ANK3: variants seen among roughly 807,000 people sequenced by gnomAD.
ANK3 encodes the protein ankyrin-3.
In ANK3, 57 loss-of-function variants were observed where a neutral mutation model predicts 370.9. That is an observed-to-expected ratio of 0.15 (90% confidence interval 0.12 to 0.19). ANK3 has a LOEUF of 0.19. Ranked by LOEUF, ANK3 falls within the 10% of genes least tolerant of loss-of-function variation. The pLI is 1.00. For missense variants in ANK3, 4,439 were observed against 5,302.1 expected, an observed-to-expected ratio of 0.84 and a Z score of 5.06; for synonymous variants, 1,929 against 1,946.3, an observed-to-expected ratio of 0.99 and a Z score of 0.23.
chr10:60,362,736 T>C (rs1175512216), intron 1 of ANK3, among the ~76,000 whole-genome samples: 2 of 152,040 alleles, frequency 1.3e-5, no homozygotes, highest in Non-Finnish European at 2.9e-5. Flanking sequence ...TCCCCACACA[T>C]TGATTCATTT....
At chr10:60,630,758 A>G (rs16915258) in intron 1 of ANK3, among the ~76,000 whole-genome samples, 1,895 of 152,316 alleles carry the variant, frequency 0.012, 32 homozygotes, top group Middle Eastern at 0.048. Context: ...CAGTGGGGGT[A>G]AAGAGCATAG....
chr10:60,495,925 T>C (rs967810291), intron 2 of ANK3, among the ~76,000 whole-genome samples: 1 of 152,136 alleles, frequency 6.6e-6, no homozygotes, highest in African/African-American at 2.4e-5. Flanking sequence ...AGTGTTCTTA[T>C]AGCTGATGTA....
intron 12 of ANK3, 52 bp from the exon 13 acceptor site, chr10:60,200,279 G>T: frequency 7.1e-7 from 1 of 1,414,562 alleles, no homozygotes; most frequent in Non-Finnish European, 1.0e-6. Flanking sequence ...GAAGAGTAGT[G>T]TATTTTATTT....
At chr10:60,155,881 G>A (rs990924736) in intron 23 of ANK3, among the ~76,000 whole-genome samples, 3 of 152,192 alleles carry the variant, frequency 2.0e-5, no homozygotes, top group Non-Finnish European at 2.9e-5. Context: ...ATTTGCCAGG[G>A]GCTCTCAGGC....
chr10:60,433,971 C>T (rs2064095763), intron 2 of ANK3, among the ~76,000 whole-genome samples: 1 of 152,160 alleles, frequency 6.6e-6, no homozygotes, highest in South Asian at 2.1e-4. Flanking sequence ...ATGTGCTAAA[C>T]AGATTTTGTA....
intron 16 of ANK3, among the ~76,000 whole-genome samples, chr10:60,189,821 C>A (rs2096438272): frequency 6.6e-6 from 1 of 152,052 alleles, no homozygotes; most frequent in Non-Finnish European, 1.5e-5. Flanking sequence ...AAAATAAAAG[C>A]AAATGCAATT....
At chr10:60,118,309 T>C (rs147991018) in intron 25 of ANK3, among the ~76,000 whole-genome samples, 2 of 152,228 alleles carry the variant, frequency 1.3e-5, no homozygotes, top group East Asian at 1.9e-4. Flanking sequence ...AATTGAAAAA[T>C]AAATTTGTAG....
chr10:60,258,846 C>T (rs184078835), intron 7 of ANK3, among the ~76,000 whole-genome samples: 15 of 152,330 alleles, frequency 9.8e-5, no homozygotes, highest in Admixed American at 7.8e-4. Context: ...ACAGAAATTG[C>T]AGCCCCCCAA....
At chr10:60,482,421 T>C (rs541030613) in intron 2 of ANK3, among the ~76,000 whole-genome samples, 3 of 152,288 alleles carry the variant, frequency 2.0e-5, no homozygotes, top group Non-Finnish European at 2.9e-5. Flanking sequence ...CATTTTAAAA[T>C]AAAATCTCCT....
At chr10:60,702,063 AG>A (rs898326559) in intron 1 of ANK3, among the ~76,000 whole-genome samples, 77 of 152,252 alleles carry the variant, frequency 5.1e-4, no homozygotes, top group Middle Eastern at 6.8e-3. Context: ...GTTCAAGGCC[AG>A]CCTGGCCAAC....
intron 18 of ANK3, among the ~76,000 whole-genome samples, chr10:60,180,416 T>C (rs2096125455): frequency 1.3e-5 from 2 of 151,784 alleles, no homozygotes; most frequent in Admixed American, 6.6e-5. Flanking sequence ...GCTAACATGG[T>C]GAAACCCCGT....
intron 1 of ANK3, among the ~76,000 whole-genome samples, chr10:60,680,950 C>G (rs2079187294): frequency 2.0e-5 from 3 of 152,162 alleles, no homozygotes; most frequent in Admixed American, 2.0e-4. Context: ...TCACTTAGAA[C>G]AGTGCCTGGT....
chr10:60,266,160 C>G (rs1255934270), intron 5 of ANK3, among the ~76,000 whole-genome samples: 1 of 152,034 alleles, frequency 6.6e-6, no homozygotes, highest in Non-Finnish European at 1.5e-5. Context: ...TAGATACATC[C>G]AAGATGTCAC....
chr10:60,252,386 G>A (rs1350864740), intron 7 of ANK3, among the ~76,000 whole-genome samples: 1 of 152,152 alleles, frequency 6.6e-6, no homozygotes, highest in African/African-American at 2.4e-5. Flanking sequence ...GCAGCCCCTA[G>A]CTGTTATTTT....
chr10:60,141,003 C>G (rs2094534719), intron 23 of ANK3: 2 of 985,478 alleles, frequency 2.0e-6, no homozygotes, highest in African/African-American at 3.5e-5. Flanking sequence ...AAACTTTCAA[C>G]TTTGTTCTCA....
intron 2 of ANK3, among the ~76,000 whole-genome samples, chr10:60,431,363 T>C (rs2064018141): frequency 6.6e-6 from 1 of 152,160 alleles, no homozygotes; most frequent in Non-Finnish European, 1.5e-5. Flanking sequence ...CTAATGCCGC[T>C]GCTGATCTGA....
At chr10:60,666,053 C>T (rs1203110127) in intron 1 of ANK3, among the ~76,000 whole-genome samples, 1 of 152,164 alleles carries the variant, frequency 6.6e-6, no homozygotes, top group African/African-American at 2.4e-5. Context: ...AACAACTTCA[C>T]TTTGGGTATA....
chr10:60,415,246 G>A (rs1219202844), intron 2 of ANK3, among the ~76,000 whole-genome samples: 1 of 152,188 alleles, frequency 6.6e-6, no homozygotes, highest in Admixed American at 6.5e-5. Context: ...AGGACTTGTG[G>A]AAGGAGCATC....
At chr10:60,322,408 C>T (rs891070707) in intron 1 of ANK3, among the ~76,000 whole-genome samples, 2 of 151,646 alleles carry the variant, frequency 1.3e-5, no homozygotes, top group Admixed American at 6.6e-5. Flanking sequence ...AACTTCAGCT[C>T]TGAAAATATA....
Sources: allele counts gnomAD v4.1 joint callset (sites outside exome capture counted in the v4.1 genomes callset), GRCh38; gene constraint gnomAD v4.1.1; transcripts MANE v1.5; gene names NCBI Gene and HGNC (gene_info 2026-07-23, HGNC 2026-07-21).